The following PKNOX2 variants were observed in gnomAD, a reference collection of about 807,000 sequenced individuals.
The protein encoded by PKNOX2 is homeobox protein PKNOX2.
PKNOX2 carries 14 observed loss-of-function variants against 53.1 expected under a neutral mutation model. That is an observed-to-expected ratio of 0.26 (90% CI 0.17 to 0.41). The LOEUF is 0.41. Ranked by LOEUF, PKNOX2 falls within the 10% of genes least tolerant of loss-of-function variation. The pLI is 1.00. For missense variants in PKNOX2, 496 were observed against 602.8 expected, an observed-to-expected ratio of 0.82 and a Z score of 1.85; for synonymous variants, 257 against 242.8, an observed-to-expected ratio of 1.06 and a Z score of -0.54.
chr11:125,400,466 A>G (rs1954679038), intron 7 of PKNOX2, among the ~76,000 whole-genome samples: 1 of 152,088 alleles, frequency 6.6e-6, no homozygotes, highest in South Asian at 2.1e-4. Flanking sequence ...CCTGCTTGCC[A>G]TGCCCCTGGG....
intron 2 of PKNOX2, among the ~76,000 whole-genome samples, chr11:125,325,629 C>T (rs556557819): frequency 3.3e-5 from 5 of 152,322 alleles, no homozygotes; most frequent in African/African-American, 1.2e-4. Context: ...ACTCAGTCTA[C>T]GTCATTGCCA....
intron 2 of PKNOX2, among the ~76,000 whole-genome samples, chr11:125,244,468 T>C (rs553065120): frequency 2.0e-5 from 3 of 152,318 alleles, no homozygotes; most frequent in South Asian, 4.1e-4. Context: ...AAGAATCTGC[T>C]ATAAACCCTC....
intron 2 of PKNOX2, among the ~76,000 whole-genome samples, chr11:125,308,631 C>T (rs928186473): frequency 6.6e-6 from 1 of 152,124 alleles, no homozygotes; most frequent in Non-Finnish European, 1.5e-5. Flanking sequence ...CTTCCCCACT[C>T]AGGAGTTTCA....
chr11:125,388,389 C>T (rs1176314513), intron 6 of PKNOX2, among the ~76,000 whole-genome samples: 1 of 152,094 alleles, frequency 6.6e-6, no homozygotes. Context: ...ACTCTTTATC[C>T]GGACAGATAT....
At chr11:125,193,015 C>A (rs1956972629) in intron 1 of PKNOX2, among the ~76,000 whole-genome samples, 1 of 152,198 alleles carries the variant, frequency 6.6e-6, no homozygotes, top group Non-Finnish European at 1.5e-5. Context: ...CCGGGTGGGA[C>A]CCTCAGGGTC....
intron 6 of PKNOX2, among the ~76,000 whole-genome samples, chr11:125,392,320 G>A (rs1354027861): frequency 6.6e-6 from 1 of 152,206 alleles, no homozygotes. Flanking sequence ...ACAGAGAGCG[G>A]GCTCGGACTC....
intron 2 of PKNOX2, among the ~76,000 whole-genome samples, chr11:125,327,871 T>G (rs1949918747): frequency 6.6e-6 from 1 of 152,216 alleles, no homozygotes; most frequent in Non-Finnish European, 1.5e-5. Flanking sequence ...CGGTGCCCTG[T>G]GTGAGGGCAT....
intron 4 of PKNOX2, among the ~76,000 whole-genome samples, chr11:125,358,237 T>C (rs1951725956): frequency 6.6e-6 from 1 of 152,230 alleles, no homozygotes; most frequent in Non-Finnish European, 1.5e-5. Context: ...TTACCAGCTA[T>C]GAACACCCCC....
chr11:125,233,804 CTTAA>C (rs1942437930), intron 1 of PKNOX2, among the ~76,000 whole-genome samples: 1 of 152,188 alleles, frequency 6.6e-6, no homozygotes, highest in Non-Finnish European at 1.5e-5. Flanking sequence ...GCTTGCTTGT[CTTAA>C]TTAAAGGGAA....
chr11:125,318,602 C>T lies in PKNOX2; in HGVS notation c.-129-13217C>T, dbSNP rs1259245418. On this transcript the variant is annotated intron_variant, in intron 2 of 12. Coordinates refer to ENST00000298282, the MANE Select transcript of PKNOX2 (RefSeq NM_001382323.2). Reference sequence around the variant, plus strand: ...GACTGTCTCACTCACTTCTCTATCACGTGTTCACTGGAGTAGCACTTTAAA... The same window carrying T: ...GACTGTCTCACTCACTTCTCTATCATGTGTTCACTGGAGTAGCACTTTAAA... 2.6e-5 allele frequency among the ~76,000 whole-genome samples: 4 copies of T among 152,348 alleles called. No homozygotes were observed. In the East Asian group the frequency reaches 5.8e-4, roughly 22 times the overall value.
At chr11:125,218,791 C>A (rs746978157) in intron 1 of PKNOX2, among the ~76,000 whole-genome samples, 1 of 152,104 alleles carries the variant, frequency 6.6e-6, no homozygotes, top group Non-Finnish European at 1.5e-5. Context: ...CAAATCCAAC[C>A]CAAAAAGGCT....
At chr11:125,299,253 A>T (rs1238523534) in intron 2 of PKNOX2, among the ~76,000 whole-genome samples, 1 of 152,104 alleles carries the variant, frequency 6.6e-6, no homozygotes, top group Non-Finnish European at 1.5e-5. Flanking sequence ...CACCTCCACG[A>T]TCTGAACACC....
chr11:125,259,490 G>T (rs1000457901), intron 2 of PKNOX2, among the ~76,000 whole-genome samples: 1 of 152,074 alleles, frequency 6.6e-6, no homozygotes, highest in African/African-American at 2.4e-5. Context: ...TTTTCATTAG[G>T]CACCCTAAGT....
intron 1 of PKNOX2, among the ~76,000 whole-genome samples, chr11:125,193,262 G>A (rs953765924): frequency 2.0e-5 from 3 of 152,262 alleles, no homozygotes; most frequent in Admixed American, 1.3e-4. Flanking sequence ...TATATAAACT[G>A]CTTGGGACAT....
chr11:125,337,877 G>C (rs1298208747), intron 3 of PKNOX2, among the ~76,000 whole-genome samples: 1 of 152,182 alleles, frequency 6.6e-6, no homozygotes, highest in Non-Finnish European at 1.5e-5. Context: ...ACTTGGGCAA[G>C]TTTCCTTATT....
Position 125,411,972 on chromosome 11 carries a change from G to A in PKNOX2, c.936+107G>A, listed in dbSNP as rs115454948. 1,618 of 1,532,208 alleles carry A rather than the reference G, an allele frequency of 1.1e-3. 25 individuals are homozygous for A. The African/African-American group carries it at 0.018, about 17-fold the overall frequency. The allele number at this position is 1,532,208 out of a possible 1,614,324, so 94.9% of individuals were successfully genotyped here. ...GGCTCCAAACCCACAGACAGAGGGC[G>A]CGGCCTCGGGGAGAGCTCTCTGATA... On this transcript the variant is annotated intron_variant, in intron 10 of 12. Transcript: ENST00000298282.
rs1255819283 is a variant in PKNOX2, at chr11:125,397,804, G to A, written c.400-70G>A. On this transcript the variant is annotated intron_variant, in intron 6 of 12. Transcript: ENST00000298282. ...GGCTCCCCTCCCCTGGGGTGGTGGG[G>A]GCTGGGGGTCCAGGCAGTGAGGGAA... The A allele has an allele frequency of 2.0e-6, 3 of 1,491,478 alleles. No homozygotes were observed. In the East Asian group the frequency reaches 6.9e-5, roughly 34 times the overall value. The allele number at this position is 1,491,478 out of a possible 1,614,324, so 92.4% of individuals were successfully genotyped here.
intron 7 of PKNOX2, among the ~76,000 whole-genome samples, chr11:125,406,966 G>T (rs1955148188): frequency 7.3e-6 from 1 of 136,246 alleles, no homozygotes; most frequent in African/African-American, 2.7e-5. Context: ...AGGCAGGTTT[G>T]TGAAGCAGCT....
At chr11:125,169,861 G>A (rs1955151001) in intron 1 of PKNOX2, among the ~76,000 whole-genome samples, 1 of 151,966 alleles carries the variant, frequency 6.6e-6, no homozygotes, top group Non-Finnish European at 1.5e-5. Flanking sequence ...AATTTGAAAG[G>A]CCTGCTGTGA....
Sources: allele counts gnomAD v4.1 joint callset (sites outside exome capture counted in the v4.1 genomes callset), GRCh38; gene constraint gnomAD v4.1.1; transcripts MANE v1.5; gene names NCBI Gene and HGNC (gene_info 2026-07-23, HGNC 2026-07-21).